DHCR24: variants seen among roughly 807,000 people sequenced by gnomAD.
DHCR24 encodes 24-dehydrocholesterol reductase.
A neutral mutation model predicts 61.2 loss-of-function variants in DHCR24; 28 were observed. The ratio of observed to expected loss-of-function variants is 0.46; its 90% CI spans 0.34 to 0.63. DHCR24 has a LOEUF of 0.63. DHCR24 is among the 20% of genes least tolerant of loss of function. The pLI is 0.01. For synonymous variants in DHCR24, 261 were observed against 275.9 expected (o/e 0.95, Z 0.54); for missense variants, 538 against 679.1 (o/e 0.79, Z 2.31).
At position 54,855,704 on chromosome 1, in the gene DHCR24, G is replaced by T. The variant is rs548705403; in HGVS notation, c.1021-1470C>A. Among the ~76,000 whole-genome samples the T allele has an allele frequency of 2.6e-5, 4 of 152,368 alleles. No homozygotes were observed. The South Asian group carries it at 8.3e-4, about 32-fold the overall frequency. ...TCTGGAGCTGCCGGACCACTCCCATGAAGTCAGGGACCTGCCTGTTTTCTT... is the reference window on the plus strand; with the variant it reads ...TCTGGAGCTGCCGGACCACTCCCATTAAGTCAGGGACCTGCCTGTTTTCTT... On this transcript the variant is annotated intron_variant, in intron 6 of 8. Transcript: ENST00000371269.
In DHCR24 at chr1:54,853,581, A is replaced by C. The variant is rs1404974978; in HGVS notation, c.1250T>G (p.Leu417Arg). ...VYPIWLCPFI[L>R]PSQPGLVHPK... Reference sequence around the variant, plus strand: ...GTGCACTAGGCCTGGCTGGCTGGGCAGGATGAACGGACACAGCCAGATGGG... The same window carrying C: ...GTGCACTAGGCCTGGCTGGCTGGGCCGGATGAACGGACACAGCCAGATGGG... The change falls in exon 8 of 9, where the codon CTG becomes CGG. Residue 417 changes from leucine (L) to arginine (R), a missense_variant. By Grantham distance (102) the Leu-to-Arg change is moderately radical. Transcript: ENST00000371269. The C allele has an allele frequency of 6.2e-7, 1 of 1,613,930 alleles. No homozygotes were observed. The highest frequency in any genetic ancestry group is 1.3e-5 in the African/African-American group (1 of 74,934).
chr1:54,865,174 G>T, intron 6 of DHCR24, 129 bp downstream of exon 6: 1 of 1,115,900 alleles, frequency 9.0e-7, no homozygotes, highest in Non-Finnish European at 1.3e-6. Flanking sequence ...GCTTAAGAAG[G>T]CATTGCAGTT....
At chr1:54,866,867 A>C (rs1462457325) in intron 5 of DHCR24, among the ~76,000 whole-genome samples, 1 of 152,238 alleles carries the variant, frequency 6.6e-6, no homozygotes, top group Non-Finnish European at 1.5e-5. Context: ...GGGCAGCGCA[A>C]AAAACACTCA....
At chr1:54,886,801 C>T in intron 1 of DHCR24, 88 bp downstream of exon 1, 1 of 1,552,824 alleles carries the variant, frequency 6.4e-7, no homozygotes, top group Non-Finnish European at 8.7e-7. Context: ...CGCCCCCGCA[C>T]CGCAGCTCCC....
intron 4 of DHCR24, among the ~76,000 whole-genome samples, chr1:54,872,096 C>A (rs1207779162): frequency 6.6e-6 from 1 of 152,156 alleles, no homozygotes; most frequent in Non-Finnish European, 1.5e-5. Context: ...GGATCCACCC[C>A]CGACAGAGCC....
intron 2 of DHCR24, among the ~76,000 whole-genome samples, chr1:54,876,413 G>A (rs1332035093): frequency 6.6e-6 from 1 of 152,170 alleles, no homozygotes; most frequent in Non-Finnish European, 1.5e-5. Flanking sequence ...CAGCACTTTG[G>A]GAGGCCAAGG....
chr1:54,861,880 C>A (rs754862938), intron 6 of DHCR24, among the ~76,000 whole-genome samples: 1 of 152,188 alleles, frequency 6.6e-6, no homozygotes, highest in Non-Finnish European at 1.5e-5. Flanking sequence ...CATCAAAATC[C>A]TCTCCCCTTT....
Position 54,887,060 on chromosome 1 carries a change from C to T in DHCR24, c.60G>A (p.Leu20=). The T allele has an allele frequency of 6.2e-7, 1 of 1,611,438 alleles. No homozygotes were observed. The highest frequency in any genetic ancestry group is 8.5e-7 in the Non-Finnish European group (1 of 1,178,946). ...CALLFLLWVR[L]KGLEFVLIHQ... is the part of the protein sequence containing the mutation. Reference sequence around the variant, plus strand: ...GGATGAGCACGAACTCCAGCCCCTTCAGGCGCACCCACAGCAGGAAGAGCA... The same window carrying T: ...GGATGAGCACGAACTCCAGCCCCTTTAGGCGCACCCACAGCAGGAAGAGCA... Residue 20 remains leucine, a synonymous_variant, in exon 1 of 9, where the codon CTG becomes CTA. Transcript: ENST00000371269.
At position 54,883,598 on chromosome 1, in the gene DHCR24, C is replaced by A. The variant is rs769587736; in HGVS notation, c.387+20G>T. ...CAGTGCCCCACCTGCTCCCAGAGCC[C>A]GGAAAAGTGCTACTCTCACCTGTTT... On this transcript the variant is annotated intron_variant, in intron 2 of 8. Coordinates refer to ENST00000371269, the MANE Select transcript of DHCR24 (RefSeq NM_014762.4). The surrounding 1 kb of genome is among the most constrained non-coding windows in gnomAD (Gnocchi z 4.3). 1 of 1,614,070 alleles carries A rather than the reference C, an allele frequency of 6.2e-7. No homozygotes were observed.
At chr1:54,871,109 A>G (rs564194782) in intron 5 of DHCR24, among the ~76,000 whole-genome samples, 1 of 152,352 alleles carries the variant, frequency 6.6e-6, no homozygotes, top group African/African-American at 2.4e-5. Context: ...AGGACCAAAG[A>G]TTACATCCAC....
chr1:54,856,911 AC>A (rs2101558135), intron 6 of DHCR24, among the ~76,000 whole-genome samples: 1 of 152,238 alleles, frequency 6.6e-6, no homozygotes, highest in East Asian at 1.9e-4. Flanking sequence ...GTGACATCAA[AC>A]TTCTAGATCA....
intron 6 of DHCR24, among the ~76,000 whole-genome samples, chr1:54,860,849 G>A (rs927999069): frequency 1.4e-5 from 2 of 144,818 alleles, no homozygotes; most frequent in South Asian, 2.5e-4. Context: ...TTAGCCAGGT[G>A]CAGTGGCAGG....
In DHCR24 at chr1:54,851,931, TC is replaced by T; in HGVS notation, c.*301del. The T allele has an allele frequency of 6.8e-6, 3 of 442,530 alleles. No homozygotes were observed. Among genetic ancestry groups the T allele is most frequent in the East Asian group, 9.2e-5 (2 of 21,800 alleles). The allele number at this position is 442,530 out of a possible 1,614,324, so 27.4% of individuals were successfully genotyped here. On this transcript the variant is annotated 3_prime_UTR_variant, in exon 9 of 9. Coordinates refer to ENST00000371269, the MANE Select transcript of DHCR24 (RefSeq NM_014762.4). ...AACAACCTGCAAGTAGGTATTACTA[TC>T]CCTTTCAACTAATGAAGAGACCCGG...
intron 2 of DHCR24, among the ~76,000 whole-genome samples, chr1:54,878,514 C>CAAAA (rs56198608): frequency 7.4e-5 from 4 of 54,296 alleles, no homozygotes; most frequent in African/African-American, 2.1e-4. Flanking sequence ...AACTCTGTCT[C>CAAAA]AAAAAAAAAA....
At chr1:54,861,143 TGGA>T (rs1646935987) in intron 6 of DHCR24, among the ~76,000 whole-genome samples, 6 of 152,190 alleles carry the variant, frequency 3.9e-5, no homozygotes, top group Admixed American at 3.9e-4. Flanking sequence ...CAACATACCC[TGGA>T]GGAGGGGACA....
intron 2 of DHCR24, among the ~76,000 whole-genome samples, chr1:54,879,730 T>C (rs551408635): frequency 1.3e-3 from 191 of 152,220 alleles, no homozygotes; most frequent in African/African-American, 4.5e-3. Flanking sequence ...TCAAAACTAG[T>C]GATAAAAAAT....
At chr1:54,863,366 A>G (rs1044509305) in intron 6 of DHCR24, among the ~76,000 whole-genome samples, 1 of 152,196 alleles carries the variant, frequency 6.6e-6, no homozygotes, top group African/African-American at 2.4e-5. Context: ...TTGGCTTCCT[A>G]TTATACTTAG....
intron 3 of DHCR24, 71 bp from the exon 4 acceptor site, chr1:54,875,282 G>A: frequency 2.2e-6 from 3 of 1,389,438 alleles, no homozygotes; most frequent in Non-Finnish European, 3.1e-6. Context: ...GTTGGAGCTG[G>A]GGGGCCTCCT....
At chr1:54,854,789 C>T (rs1245462654) in intron 6 of DHCR24, among the ~76,000 whole-genome samples, 3 of 152,208 alleles carry the variant, frequency 2.0e-5, no homozygotes, top group Non-Finnish European at 4.4e-5. Context: ...GCATCCCTTG[C>T]TCACAGCCTG....
Sources: gnomAD v4.1 joint callset for allele counts (sites outside exome capture counted in the v4.1 genomes callset) on GRCh38, gnomAD v4.1.1 for gene constraint, Gnocchi (gnomAD v3.1) non-coding constraint, MANE v1.5 for transcripts, NCBI Gene and HGNC (gene_info 2026-07-23, HGNC 2026-07-21) for gene names.